ST8SIA1: variants seen among roughly 807,000 people sequenced by gnomAD.
ST8SIA1 encodes the protein ST8 alpha-N-acetyl-neuraminide alpha-2,8-sialyltransferase 1.
ST8SIA1 carries 16 observed loss-of-function variants against 35.9 expected under a neutral mutation model. That is an observed-to-expected ratio of 0.45 (90% CI 0.30 to 0.68). ST8SIA1 has a LOEUF of 0.68. Ranked by LOEUF, ST8SIA1 falls within the 30% of genes least tolerant of loss-of-function variation. ST8SIA1 has a pLI of 0.09. For missense variants in ST8SIA1, 383 were observed against 453.6 expected, an observed-to-expected ratio of 0.84 and a Z score of 1.41; for synonymous variants, 170 against 169.6, an observed-to-expected ratio of 1.00 and a Z score of -0.02.
intron 1 of ST8SIA1, among the ~76,000 whole-genome samples, chr12:22,303,106 T>A (rs1866337935): frequency 6.6e-6 from 1 of 152,150 alleles, no homozygotes; most frequent in Non-Finnish European, 1.5e-5. Context: ...TCTCAGATAT[T>A]CAGGGTTCAC....
At chr12:22,214,990 G>C (rs1030170635) in intron 4 of ST8SIA1, among the ~76,000 whole-genome samples, 1 of 152,096 alleles carries the variant, frequency 6.6e-6, no homozygotes, top group Non-Finnish European at 1.5e-5. Context: ...ATATTGTGTA[G>C]CTTTTCCCTG....
chr12:22,327,744 C>T (rs887785283), intron 1 of ST8SIA1, among the ~76,000 whole-genome samples: 3 of 152,064 alleles, frequency 2.0e-5, no homozygotes, highest in African/African-American at 4.8e-5. Flanking sequence ...TATCCTAAAA[C>T]GCCTCCCCTC....
rs1866819932 is a variant in ST8SIA1 at position 22,334,418 on chromosome 12, C to G, written c.-186G>C. 1 of 599,190 alleles carries G rather than the reference C, an allele frequency of 1.7e-6. No homozygotes were observed. Among genetic ancestry groups the G allele is most frequent in the African/African-American group, 1.9e-5 (1 of 53,796 alleles). 37.1% of individuals were successfully genotyped at this position (599,190 alleles called of 1,614,324 possible). On this transcript the variant is annotated 5_prime_UTR_variant, in exon 1 of 5. Transcript: ENST00000396037. ...GTCAGCGCAAGGATTTTTTCAAATGCAACTTTTCCAAGGATTTCTTTCTAG... is the reference window on the plus strand; with the variant it reads ...GTCAGCGCAAGGATTTTTTCAAATGGAACTTTTCCAAGGATTTCTTTCTAG...
chr12:22,285,871 C>CAAAAAAAAAAAAA (rs1264234503), intron 2 of ST8SIA1, among the ~76,000 whole-genome samples: 1 of 94,952 alleles, frequency 1.1e-5, no homozygotes, highest in Non-Finnish European at 2.0e-5. Context: ...AAGACTCTGT[C>CAAAAAAAAAAAAA]AAAAACAAAA....
In ST8SIA1 at chr12:22,194,555, A is replaced by G. The variant is rs1354322691; in HGVS notation, c.*6997T>C. ...GGGTCAAGCCAGAAAAAGTTAAGGCACCCTCTGCCACTCCCCACTCCCACT... is the reference window on the plus strand; with the variant it reads ...GGGTCAAGCCAGAAAAAGTTAAGGCGCCCTCTGCCACTCCCCACTCCCACT... On this transcript the variant is annotated 3_prime_UTR_variant, in exon 5 of 5. Transcript: ENST00000396037. 2 of 152,038 alleles carry G rather than the reference A, an allele frequency of 1.3e-5. No individual in the cohort carries two copies. Among genetic ancestry groups the G allele is most frequent in the African/African-American group, 2.4e-5 (1 of 41,346 alleles). The allele number at this position is 152,038 out of a possible 1,614,324, so 9.4% of individuals were successfully genotyped here. A position where few individuals can be genotyped will look rare whatever the true frequency, so the allele number is the denominator to read the frequency against.
intron 1 of ST8SIA1, among the ~76,000 whole-genome samples, chr12:22,322,954 GAAGTAA>G (rs1364825135): frequency 6.6e-6 from 1 of 152,166 alleles, no homozygotes; most frequent in Non-Finnish European, 1.5e-5. Context: ...ACCTTATCAT[GAAGTAA>G]AAGTTCATTT....
intron 4 of ST8SIA1, among the ~76,000 whole-genome samples, chr12:22,233,775 G>A (rs1261716238): frequency 1.3e-5 from 2 of 152,088 alleles, no homozygotes; most frequent in Non-Finnish European, 2.9e-5. Context: ...TCAGGATAAT[G>A]CTAATACATG....
chr12:22,304,709 T>A (rs1004023987), intron 1 of ST8SIA1, among the ~76,000 whole-genome samples: 1 of 152,240 alleles, frequency 6.6e-6, no homozygotes, highest in Non-Finnish European at 1.5e-5. Flanking sequence ...AAACCTTTTT[T>A]AAAGTGCACT....
intron 1 of ST8SIA1, among the ~76,000 whole-genome samples, chr12:22,323,758 G>A (rs1340076255): frequency 6.6e-6 from 1 of 152,192 alleles, no homozygotes; most frequent in Non-Finnish European, 1.5e-5. Context: ...CCCAGGAACA[G>A]AAAACCAAAC....
At chr12:22,219,681 A>C (rs1865275176) in intron 4 of ST8SIA1, among the ~76,000 whole-genome samples, 1 of 152,188 alleles carries the variant, frequency 6.6e-6, no homozygotes, top group South Asian at 2.1e-4. Context: ...CAGGATCTTT[A>C]AAGCAGCTAG....
intron 2 of ST8SIA1, among the ~76,000 whole-genome samples, chr12:22,278,455 C>T (rs959167080): frequency 2.0e-4 from 30 of 152,068 alleles, no homozygotes; most frequent in African/African-American, 6.5e-4. Context: ...CAAGAAAAGA[C>T]AATCAGGAAA....
chr12:22,241,753 A>G (rs1865543792), intron 4 of ST8SIA1, among the ~76,000 whole-genome samples: 1 of 151,934 alleles, frequency 6.6e-6, no homozygotes, highest in Non-Finnish European at 1.5e-5. Flanking sequence ...GGACACTACA[A>G]CCATGGACAT....
At chr12:22,263,683 C>T (rs547507451) in intron 2 of ST8SIA1, among the ~76,000 whole-genome samples, 5 of 152,092 alleles carry the variant, frequency 3.3e-5, no homozygotes, top group African/African-American at 4.8e-5. Context: ...TAGTAATCCC[C>T]GCCAAACTCT....
chr12:22,316,160 T>C (rs1258817247), intron 1 of ST8SIA1, among the ~76,000 whole-genome samples: 1 of 152,142 alleles, frequency 6.6e-6, no homozygotes, highest in South Asian at 2.1e-4. Flanking sequence ...CAAGAATCAT[T>C]TGAACTTGCA....
chr12:22,266,711 CTG>C (rs1422149599), intron 2 of ST8SIA1, among the ~76,000 whole-genome samples: 1 of 151,978 alleles, frequency 6.6e-6, no homozygotes, highest in African/African-American at 2.4e-5. Context: ...GTGGGAGGAT[CTG>C]TTGAACCTAG....
intron 1 of ST8SIA1, among the ~76,000 whole-genome samples, chr12:22,326,848 T>C (rs1866688304): frequency 6.6e-6 from 1 of 152,170 alleles, no homozygotes; most frequent in Non-Finnish European, 1.5e-5. Context: ...CTAAAATAGA[T>C]TATTTTACCA....
At chr12:22,303,841 C>A (rs951501211) in intron 1 of ST8SIA1, among the ~76,000 whole-genome samples, 1 of 135,350 alleles carries the variant, frequency 7.4e-6, no homozygotes, top group African/African-American at 2.7e-5. Flanking sequence ...ACCACCACCA[C>A]CCTGCCACAC....
chr12:22,279,649 A>G (rs1252818932), intron 2 of ST8SIA1, among the ~76,000 whole-genome samples: 1 of 152,196 alleles, frequency 6.6e-6, no homozygotes, highest in African/African-American at 2.4e-5. Context: ...TACTAGCAGC[A>G]CATCATGTTA....
intron 1 of ST8SIA1, among the ~76,000 whole-genome samples, chr12:22,289,009 T>C (rs1463419254): frequency 6.6e-6 from 1 of 152,092 alleles, no homozygotes; most frequent in East Asian, 1.9e-4. Flanking sequence ...GCCTCTCAAA[T>C]GGTTGGGATA....
Sources: allele counts gnomAD v4.1 joint callset (sites outside exome capture counted in the v4.1 genomes callset), GRCh38; gene constraint gnomAD v4.1.1; transcripts MANE v1.5; gene names NCBI Gene and HGNC (gene_info 2026-07-23, HGNC 2026-07-21).